NOL4: variants seen among roughly 807,000 people sequenced by gnomAD.
NOL4 encodes the protein cancer/testis antigen 125.
Under a neutral mutation model 75.9 loss-of-function variants are expected in NOL4, and 17 were observed. That is an observed-to-expected ratio of 0.22 (90% CI 0.15 to 0.34). The LOEUF is 0.34. NOL4 is among the 10% of genes least tolerant of loss of function. The pLI, the probability that NOL4 is intolerant of heterozygous loss-of-function variation, is 1.00. For synonymous variants in NOL4, 292 were observed against 289.9 expected, an observed-to-expected ratio of 1.01 and a Z score of -0.07; for missense variants, 614 against 793.5, an observed-to-expected ratio of 0.77 and a Z score of 2.72.
intron 5 of NOL4, among the ~76,000 whole-genome samples, chr18:34,019,999 C>T (rs1450812805): frequency 3.3e-5 from 5 of 151,872 alleles, no homozygotes; most frequent in Non-Finnish European, 5.9e-5. Context: ...CTCTCTTGCT[C>T]CCTCTCTCAC....
intron 6 of NOL4, among the ~76,000 whole-genome samples, chr18:34,008,135 G>A (rs1256612068): frequency 6.6e-6 from 1 of 151,974 alleles, no homozygotes; most frequent in African/African-American, 2.4e-5. Context: ...CCATTTTTGA[G>A]CTGCAACATT....
chr18:33,963,545 TA>T (rs913101216), intron 6 of NOL4, among the ~76,000 whole-genome samples: 5 of 152,030 alleles, frequency 3.3e-5, no homozygotes, highest in African/African-American at 9.7e-5. Context: ...AGTATAAACC[TA>T]AAAAAATCCA....
chr18:34,187,382 T>C (rs1331476882), intron 1 of NOL4, among the ~76,000 whole-genome samples: 4 of 143,160 alleles, frequency 2.8e-5, no homozygotes, highest in Non-Finnish European at 1.5e-5. Context: ...TTTTTTTTTT[T>C]TTTTTTTTTT....
At chr18:33,953,381 T>C (rs775878696) in intron 8 of NOL4, among the ~76,000 whole-genome samples, 3 of 151,994 alleles carry the variant, frequency 2.0e-5, no homozygotes, top group Non-Finnish European at 4.4e-5. Flanking sequence ...CTAGGCATAA[T>C]GTGTGTGAAG....
chr18:34,159,378 G>A (rs918495421), intron 1 of NOL4, among the ~76,000 whole-genome samples: 4 of 152,136 alleles, frequency 2.6e-5, no homozygotes, highest in African/African-American at 2.4e-5. Context: ...GAGTGCTGGG[G>A]CCTGGATGAG....
intron 6 of NOL4, among the ~76,000 whole-genome samples, chr18:33,979,484 C>CA (rs1217128600): frequency 1.3e-5 from 2 of 151,826 alleles, no homozygotes; most frequent in African/African-American, 4.8e-5. Flanking sequence ...TAGTTAAGTG[C>CA]AAAATAATGT....
At chr18:34,025,170 C>G (rs746504608) in intron 5 of NOL4, among the ~76,000 whole-genome samples, 1 of 152,000 alleles carries the variant, frequency 6.6e-6, no homozygotes, top group Non-Finnish European at 1.5e-5. Context: ...TTTATCAAAA[C>G]TAATAAACAA....
At chr18:34,186,000 G>T (rs2034435518) in intron 1 of NOL4, among the ~76,000 whole-genome samples, 1 of 152,068 alleles carries the variant, frequency 6.6e-6, no homozygotes, top group Non-Finnish European at 1.5e-5. Context: ...TTAAAACTAG[G>T]CTTTATAACT....
chr18:33,999,866 T>A (rs142382568), intron 6 of NOL4, among the ~76,000 whole-genome samples: 2 of 151,936 alleles, frequency 1.3e-5, no homozygotes, highest in African/African-American at 4.8e-5. Context: ...GTTGGCCTGG[T>A]TGGTATCGAA....
chr18:34,018,634 T>C (rs2074849590), intron 6 of NOL4, among the ~76,000 whole-genome samples: 2 of 152,074 alleles, frequency 1.3e-5, no homozygotes, highest in African/African-American at 4.8e-5. Flanking sequence ...GCATGTGTTA[T>C]CTCAAACTAG....
At chr18:34,173,137 A>T (rs2146278675) in intron 1 of NOL4, among the ~76,000 whole-genome samples, 1 of 152,244 alleles carries the variant, frequency 6.6e-6, no homozygotes, top group Non-Finnish European at 1.5e-5. Flanking sequence ...TAAACAAAAC[A>T]AGCCAGATGC....
At chr18:33,900,039 T>G (rs550949624) in intron 9 of NOL4, among the ~76,000 whole-genome samples, 2 of 152,266 alleles carry the variant, frequency 1.3e-5, no homozygotes, top group African/African-American at 4.8e-5. Flanking sequence ...CTAAAACTCT[T>G]TATTAGTCCA....
At chr18:33,973,605 A>G (rs2071251191) in intron 6 of NOL4, among the ~76,000 whole-genome samples, 1 of 152,234 alleles carries the variant, frequency 6.6e-6, no homozygotes, top group Non-Finnish European at 1.5e-5. Context: ...AAGACTTGAA[A>G]GTCAAAATTA....
At chr18:34,124,392 G>T (rs2080288453) in intron 2 of NOL4, among the ~76,000 whole-genome samples, 1 of 152,112 alleles carries the variant, frequency 6.6e-6, no homozygotes, top group Admixed American at 6.6e-5. Context: ...AGAAATGTAT[G>T]TAATTCTCAG....
At chr18:34,197,529 T>C (rs1370880336) in intron 1 of NOL4, among the ~76,000 whole-genome samples, 1 of 152,048 alleles carries the variant, frequency 6.6e-6, no homozygotes, top group Non-Finnish European at 1.5e-5. Flanking sequence ...AAACTCTGCC[T>C]GTTCCAGTGG....
chr18:34,024,194 A>AAAAATATATATATATAT, intron 5 of NOL4, among the ~76,000 whole-genome samples: 103 of 70,628 alleles, frequency 1.5e-3, no homozygotes, highest in Non-Finnish European at 2.7e-3. Flanking sequence ...AAAAAAAAAA[A>AAAAATATATATATATAT]ATATATATAT....
At chr18:33,885,629 C>T (rs72955221) in intron 9 of NOL4, among the ~76,000 whole-genome samples, 19,832 of 152,100 alleles carry the variant, frequency 0.13, 1,421 homozygotes, top group Non-Finnish European at 0.17. Context: ...GGTATCATCT[C>T]GCCCCAGTTA....
intron 7 of NOL4, 32 bp downstream of exon 7, chr18:33,958,207 T>C: frequency 6.4e-7 from 1 of 1,563,730 alleles, no homozygotes; most frequent in South Asian, 1.2e-5. Context: ...GTGGTAAAAA[T>C]TAAACCACAC....
At chr18:34,151,665 A>T (rs1436837500) in intron 1 of NOL4, among the ~76,000 whole-genome samples, 2 of 151,846 alleles carry the variant, frequency 1.3e-5, no homozygotes, top group Non-Finnish European at 2.9e-5. Context: ...AACTCATGGA[A>T]TGTACAAAAC....
Sources: gnomAD v4.1 joint callset for allele counts (sites outside exome capture counted in the v4.1 genomes callset) on GRCh38, gnomAD v4.1.1 for gene constraint, MANE v1.5 for transcripts, NCBI Gene and HGNC (gene_info 2026-07-23, HGNC 2026-07-21) for gene names.